CCDC92: variants seen among roughly 807,000 people sequenced by gnomAD.
CCDC92 encodes the protein coiled-coil domain-containing protein 92.
In CCDC92, 12 loss-of-function variants were observed where a neutral mutation model predicts 24.9. That is an observed-to-expected ratio of 0.48 (90% CI 0.31 to 0.78). The LOEUF is 0.78. Among genes scored for constraint, CCDC92 ranks in the 30% least tolerant of loss-of-function variants. CCDC92 has a pLI of 0.05. For missense variants in CCDC92, 399 were observed against 439.4 expected (o/e 0.91, Z 0.82); for synonymous variants, 193 against 196.3 (o/e 0.98, Z 0.14).
chr12:123,969,536 T>C (rs1956475094), intron 1 of CCDC92, among the ~76,000 whole-genome samples: 1 of 142,324 alleles, frequency 7.0e-6, no homozygotes, highest in Non-Finnish European at 1.5e-5. Flanking sequence ...TGGCGTGATC[T>C]GGGCTCACTG....
intron 1 of CCDC92, among the ~76,000 whole-genome samples, chr12:123,964,523 GA>G (rs1428996727): frequency 1.3e-5 from 2 of 152,108 alleles, no homozygotes; most frequent in Non-Finnish European, 2.9e-5. Context: ...AAATAGAAGA[GA>G]TAAAAATTCT....
Position 123,937,042 on chromosome 12 carries a change from T to C in CCDC92, c.*16A>G, listed in dbSNP as rs763350155. 2 of 1,613,144 alleles carry C rather than the reference T, an allele frequency of 1.2e-6. No individual in the cohort carries two copies. The highest frequency in any genetic ancestry group is 1.7e-6 in the Non-Finnish European group (2 of 1,179,812). ...CTCACAGTGCATGGACAGCGCGGGG[T>C]GGGGCACGGCGGGCTTCACACAGTT... On this transcript the variant is annotated 3_prime_UTR_variant, in exon 5 of 5. Coordinates refer to ENST00000238156, the MANE Select transcript of CCDC92 (RefSeq NM_025140.3). The surrounding 1 kb of genome is among the most constrained non-coding windows in gnomAD (Gnocchi z 8.4).
At chr12:123,969,419 G>A (rs964825235) in intron 1 of CCDC92, among the ~76,000 whole-genome samples, 4 of 151,332 alleles carry the variant, frequency 2.6e-5, no homozygotes, top group South Asian at 2.1e-4. Flanking sequence ...ACTAAAATGC[G>A]GAGCAAGCAC....
At position 123,943,484 on chromosome 12, in the gene CCDC92, T is replaced by C. The variant is rs1487102690; in HGVS notation, c.44A>G (p.Asp15Gly). The change falls in exon 3 of 5, where the codon GAT becomes GGT. Residue 15 changes from aspartate (D) to glycine (G), a missense_variant. Coordinates refer to ENST00000238156, the MANE Select transcript of CCDC92 (RefSeq NM_025140.3). ...CAGGTTTGTGGCTGCCATGCTGACA[T>C]CCAGAGGACCTGTGGGTAACACAGA... is the stretch of plus-strand genomic sequence containing the variant. ...HFSSYDEGPL[D>G]VSMAATNLEN... 1 of 1,614,146 alleles carries C rather than the reference T, an allele frequency of 6.2e-7. No homozygotes were observed. Among genetic ancestry groups the C allele is most frequent in the East Asian group, 2.2e-5 (1 of 44,882 alleles).
chr12:123,967,980 T>C (rs1228825642), intron 1 of CCDC92: 1 of 152,272 alleles, frequency 6.6e-6, no homozygotes, highest in Non-Finnish European at 1.5e-5. Context: ...ATCTTAAGTG[T>C]TGCCAAAGAG....
At chr12:123,962,889 G>A (rs947379426) in intron 1 of CCDC92, 14 of 152,152 alleles carry the variant, frequency 9.2e-5, no homozygotes, top group South Asian at 4.1e-4. Context: ...TGGAATTAGC[G>A]TGTAAGTTTT....
In CCDC92 at chr12:123,951,120, A is replaced by C. The variant is rs546224144; in HGVS notation, c.-59-6756T>G. Among the ~76,000 whole-genome samples, 31 of 152,192 alleles carry C rather than the reference A, an allele frequency of 2.0e-4. 3 individuals carry two copies. In the South Asian group the frequency reaches 3.5e-3, roughly 17 times the overall value. ...CCCTGCCCCCGCCTCATTAACTTCCATTCTTCCTGCACATCTGAACTCACG... is the reference window on the plus strand; with the variant it reads ...CCCTGCCCCCGCCTCATTAACTTCCCTTCTTCCTGCACATCTGAACTCACG... On this transcript the variant is annotated intron_variant, in intron 1 of 4. Transcript: ENST00000238156.
chr12:123,954,749 T>C (rs118025830), intron 1 of CCDC92, among the ~76,000 whole-genome samples: 1,611 of 152,368 alleles, frequency 0.011, 25 homozygotes, highest in Non-Finnish European at 0.015. Flanking sequence ...GGCAAATACA[T>C]GTGCTCCTAC....
chr12:123,942,925 A>G lies in CCDC92; in HGVS notation c.182-140T>C, dbSNP rs942625768. On this transcript the variant is annotated intron_variant, in intron 3 of 4. Transcript: ENST00000238156. ...GCAGGGTTTGGCAGCAGGAGAGGTG[A>G]GCATGAGAGCAGCAGAAAACATCTG... 4.2e-6 allele frequency: 3 copies of G among 715,276 alleles called. No individual in the cohort carries two copies. In the African/African-American group the frequency reaches 5.2e-5, roughly 12 times the overall value. The allele number at this position is 715,276 out of a possible 1,614,324, so 44.3% of individuals were successfully genotyped here.
chr12:123,952,027 C>T (rs564451001), intron 1 of CCDC92, among the ~76,000 whole-genome samples: 58 of 152,246 alleles, frequency 3.8e-4, no homozygotes, highest in South Asian at 8.3e-4. Flanking sequence ...GATATCAGAC[C>T]GTACTTGGGG....
chr12:123,942,659 C>CTAAG lies in CCDC92; in HGVS notation c.223+81_223+84dup, dbSNP rs1955721496. On this transcript the variant is annotated intron_variant, in intron 4 of 4. Coordinates refer to ENST00000238156, the MANE Select transcript of CCDC92 (RefSeq NM_025140.3). ...CTCTTCCCAGCAAGAGCATTTTCTC[C>CTAAG]TAAGTGTGTGACTAGTGAAAACGGC... 5 of 1,019,630 alleles carry CTAAG rather than the reference C, an allele frequency of 4.9e-6. No homozygotes were observed. The South Asian group carries it at 6.3e-5, about 13-fold the overall frequency. The allele number at this position is 1,019,630 out of a possible 1,614,324, so 63.2% of individuals were successfully genotyped here.
chr12:123,942,788 A>G lies in CCDC92; in HGVS notation c.182-3T>C. 6.2e-7 allele frequency: 1 copy of G among 1,606,302 alleles called. No individual in the cohort carries two copies. Among genetic ancestry groups the G allele is most frequent in the Admixed American group, 1.7e-5 (1 of 60,012 alleles). Reference sequence around the variant, plus strand: ...GACTGTCAGCTCATATGTTAAATCTAAAAGGGAAATGTTACACATTAATTC... The same window carrying G: ...GACTGTCAGCTCATATGTTAAATCTGAAAGGGAAATGTTACACATTAATTC... On this transcript the variant is annotated splice_region_variant and splice_polypyrimidine_tract_variant and intron_variant, in intron 3 of 4. Coordinates refer to ENST00000238156, the MANE Select transcript of CCDC92 (RefSeq NM_025140.3).
chr12:123,964,136 T>C (rs978396645), intron 1 of CCDC92, among the ~76,000 whole-genome samples: 1 of 152,198 alleles, frequency 6.6e-6, no homozygotes, highest in Non-Finnish European at 1.5e-5. Context: ...AATCTTAAAA[T>C]GGTTTTCTAC....
rs933399418 is a variant in CCDC92, at chr12:123,936,878, C to T, written c.*180G>A. 6 of 683,826 alleles carry T rather than the reference C, an allele frequency of 8.8e-6. No individual in the cohort carries two copies. The highest frequency in any genetic ancestry group is 4.1e-4 in the Middle Eastern group (1 of 2,452). The allele number at this position is 683,826 out of a possible 1,614,324, so 42.4% of individuals were successfully genotyped here. ...CCACAGCAATTAGGAAATACATATT[C>T]TGCGGCAGGGACACGATCATATTTT... On this transcript the variant is annotated 3_prime_UTR_variant, in exon 5 of 5. Coordinates refer to ENST00000238156, the MANE Select transcript of CCDC92 (RefSeq NM_025140.3).
At chr12:123,970,399 G>T (rs745905823) in intron 1 of CCDC92, 7 of 152,226 alleles carry the variant, frequency 4.6e-5, no homozygotes, top group Non-Finnish European at 1.0e-4. Context: ...ATATAGAAGT[G>T]AAATCTGTTT....
intron 1 of CCDC92, among the ~76,000 whole-genome samples, chr12:123,951,903 A>G (rs1478283321): frequency 6.6e-6 from 1 of 152,224 alleles, no homozygotes; most frequent in Non-Finnish European, 1.5e-5. Flanking sequence ...GGTAGAAGAA[A>G]TCTTCAACAT....
At chr12:123,948,207 T>C (rs879238331) in intron 1 of CCDC92, among the ~76,000 whole-genome samples, 5 of 152,234 alleles carry the variant, frequency 3.3e-5, no homozygotes, top group South Asian at 2.1e-4. Flanking sequence ...AAATGGGATG[T>C]GCCTATATGT....
At chr12:123,967,952 T>C (rs1474020818) in intron 1 of CCDC92, 1 of 152,278 alleles carries the variant, frequency 6.6e-6, no homozygotes, top group Non-Finnish European at 1.5e-5. Flanking sequence ...ATGGATTTTA[T>C]GCAGACCTAA....
intron 1 of CCDC92, among the ~76,000 whole-genome samples, chr12:123,959,585 G>A (rs1410529348): frequency 6.6e-6 from 1 of 152,162 alleles, no homozygotes; most frequent in Non-Finnish European, 1.5e-5. Flanking sequence ...GATTACAGGT[G>A]TGAGCCACCG....
Sources: allele counts gnomAD v4.1 joint callset (sites outside exome capture counted in the v4.1 genomes callset), GRCh38; gene constraint gnomAD v4.1.1; non-coding constraint Gnocchi (gnomAD v3.1); transcripts MANE v1.5; gene names NCBI Gene and HGNC (gene_info 2026-07-23, HGNC 2026-07-21).